Variants in PTPRT observed in about 807,000 individuals in gnomAD.
PTPRT encodes the protein protein tyrosine phosphatase receptor type T, also known as receptor-type tyrosine-protein phosphatase T.
A neutral mutation model predicts 176.8 loss-of-function variants in PTPRT; 56 were observed. That is an observed-to-expected ratio of 0.32 (90% CI 0.26 to 0.40). The LOEUF is 0.40. Among genes scored for constraint, PTPRT ranks in the 10% least tolerant of loss-of-function variants. The pLI, the probability that PTPRT is intolerant of heterozygous loss-of-function variation, is 1.00. For synonymous variants in PTPRT, 783 were observed against 739.0 expected (o/e 1.06, Z -0.96); for missense variants, 1,540 against 1,908.2 (o/e 0.81, Z 3.60).
At chr20:42,048,975 C>A in the PTPRT span, among the ~76,000 whole-genome samples, 1 of 152,126 alleles carries the variant, frequency 6.6e-6, no homozygotes, top group South Asian at 2.1e-4. Context: ...ATGCCCGCCA[C>A]CACACCTGTC....
At chr20:43,120,797 A>G (rs1440294094) in intron 1 of PTPRT, among the ~76,000 whole-genome samples, 27 of 152,216 alleles carry the variant, frequency 1.8e-4, no homozygotes, top group Admixed American at 1.7e-3. Context: ...GGTTTTCCAT[A>G]AACATTTTTC....
chr20:42,875,274 C>T (rs1399386964), intron 2 of PTPRT, among the ~76,000 whole-genome samples: 2 of 152,188 alleles, frequency 1.3e-5, no homozygotes, highest in Non-Finnish European at 2.9e-5. Flanking sequence ...TGTTAGGAAA[C>T]TTGTTCATAA....
intron 2 of PTPRT, among the ~76,000 whole-genome samples, chr20:42,827,828 G>A (rs1416927496): frequency 6.6e-6 from 1 of 152,110 alleles, no homozygotes; most frequent in Non-Finnish European, 1.5e-5. Context: ...GGACATGTTT[G>A]CTTCCCCTTC....
chr20:42,919,892 G>A (rs1979031602), intron 1 of PTPRT, among the ~76,000 whole-genome samples: 2 of 152,184 alleles, frequency 1.3e-5, no homozygotes, highest in African/African-American at 2.4e-5. Context: ...GGTGCCATAA[G>A]AGATTTCCTA....
chr20:42,310,023 C>T (rs1409566888), intron 12 of PTPRT, among the ~76,000 whole-genome samples: 2 of 151,900 alleles, frequency 1.3e-5, no homozygotes, highest in African/African-American at 2.4e-5. Context: ...GAAACTCAGG[C>T]CTGAAAAATG....
chr20:42,530,546 C>T (rs2072364065), intron 7 of PTPRT, among the ~76,000 whole-genome samples: 1 of 152,334 alleles, frequency 6.6e-6, no homozygotes, highest in South Asian at 2.1e-4. Flanking sequence ...CTTTTGGGAT[C>T]AGGCTTATGG....
chr20:42,960,972 C>T (rs766830900), intron 1 of PTPRT, among the ~76,000 whole-genome samples: 1 of 152,030 alleles, frequency 6.6e-6, no homozygotes, highest in Non-Finnish European at 1.5e-5. Context: ...GTATATTTTT[C>T]TAAGATGATT....
chr20:42,211,816 T>C (rs2055637729), intron 15 of PTPRT, among the ~76,000 whole-genome samples: 4 of 151,254 alleles, frequency 2.6e-5, no homozygotes. Context: ...CAAAGGACTA[T>C]AAATCATGCT....
intron 1 of PTPRT, among the ~76,000 whole-genome samples, chr20:43,020,114 A>G (rs2867595): frequency 0.56 from 63,132 of 112,384 alleles, 15,922 homozygotes; most frequent in South Asian, 0.79. Flanking sequence ...GTGTGTGTAT[A>G]TATATATATA....
At chr20:42,869,355 T>G (rs946196408) in intron 2 of PTPRT, among the ~76,000 whole-genome samples, 1 of 151,966 alleles carries the variant, frequency 6.6e-6, no homozygotes, top group African/African-American at 2.4e-5. Flanking sequence ...AGCAAAGCCA[T>G]GAAGAATGGG....
chr20:42,187,815 G>C (rs922773834), intron 16 of PTPRT, among the ~76,000 whole-genome samples: 24 of 152,210 alleles, frequency 1.6e-4, no homozygotes, highest in African/African-American at 5.8e-4. Flanking sequence ...ATAGCCCACT[G>C]TTTTGATGTT....
intron 6 of PTPRT, among the ~76,000 whole-genome samples, chr20:42,712,374 G>A (rs2076157750): frequency 6.6e-6 from 1 of 152,082 alleles, no homozygotes; most frequent in Admixed American, 6.5e-5. Flanking sequence ...CAAAAAAGAA[G>A]CCCCTACTGA....
chr20:42,586,821 C>T (rs970717665), intron 7 of PTPRT, among the ~76,000 whole-genome samples: 1 of 152,152 alleles, frequency 6.6e-6, no homozygotes, highest in African/African-American at 2.4e-5. Flanking sequence ...ATGTATATAA[C>T]CCGAGACAGG....
At chr20:42,190,996 C>G (rs1484476234) in intron 16 of PTPRT, among the ~76,000 whole-genome samples, 1 of 152,122 alleles carries the variant, frequency 6.6e-6, no homozygotes, top group Non-Finnish European at 1.5e-5. Flanking sequence ...ACTTAATTTT[C>G]CCACCATACC....
chr20:42,836,472 A>T (rs886326846), intron 2 of PTPRT, among the ~76,000 whole-genome samples: 1 of 152,188 alleles, frequency 6.6e-6, no homozygotes, highest in Non-Finnish European at 1.5e-5. Flanking sequence ...ATGACTCCTT[A>T]CAAGCTTGGC....
At chr20:42,320,333 A>G (rs942094979) in intron 11 of PTPRT, among the ~76,000 whole-genome samples, 1 of 152,138 alleles carries the variant, frequency 6.6e-6, no homozygotes, top group Non-Finnish European at 1.5e-5. Context: ...AGATTCTCGG[A>G]CCAGATTCCA....
intron 23 of PTPRT, among the ~76,000 whole-genome samples, chr20:42,108,861 A>AGAT (rs1986754592): frequency 6.6e-6 from 1 of 152,270 alleles, no homozygotes; most frequent in Admixed American, 6.5e-5. Context: ...AGATGCATTA[A>AGAT]GATGACCTGC....
intron 1 of PTPRT, among the ~76,000 whole-genome samples, chr20:42,961,618 C>T (rs992020104): frequency 6.6e-6 from 1 of 152,164 alleles, no homozygotes; most frequent in Non-Finnish European, 1.5e-5. Context: ...AAGAAACCAA[C>T]TCAACTGCCT....
At chr20:42,268,385 C>T (rs761647298) in intron 13 of PTPRT, among the ~76,000 whole-genome samples, 2 of 152,128 alleles carry the variant, frequency 1.3e-5, no homozygotes, top group African/African-American at 2.4e-5. Flanking sequence ...TCTGACTGCT[C>T]GACTGGAATA....
Sources: gnomAD v4.1 joint callset for allele counts (sites outside exome capture counted in the v4.1 genomes callset) on GRCh38, gnomAD v4.1.1 for gene constraint, MANE v1.5 for transcripts, NCBI Gene and HGNC (gene_info 2026-07-23, HGNC 2026-07-21) for gene names.